The following SH3D19 variants were observed in gnomAD, a reference collection of about 807,000 sequenced individuals.
SH3D19 encodes SH3 domain containing 19.
A neutral mutation model predicts 112.1 loss-of-function variants in SH3D19; 58 were observed. The ratio of observed to expected loss-of-function variants is 0.52; its 90% CI spans 0.42 to 0.64. The LOEUF (loss-of-function observed/expected upper bound fraction) is 0.64. SH3D19 is among the 30% of genes least tolerant of loss of function. The probability of loss-of-function intolerance (pLI) is 0.00; values close to 1 mark genes in which losing one functional copy is unlikely to be tolerated. For missense variants in SH3D19, 1,090 were observed against 1,263.4 expected (o/e 0.86, Z 2.08); for synonymous variants, 391 against 448.5 (o/e 0.87, Z 1.62).
At chr4:151,311,662 G>T (rs974007292) in intron 1 of SH3D19, among the ~76,000 whole-genome samples, 1 of 152,110 alleles carries the variant, frequency 6.6e-6, no homozygotes, top group African/African-American at 2.4e-5. Context: ...AAAAGAGCAA[G>T]ACCCTATCTC....
chr4:151,146,892 A>G (rs1444061484), intron 11 of SH3D19, among the ~76,000 whole-genome samples: 1 of 152,226 alleles, frequency 6.6e-6, no homozygotes, highest in Non-Finnish European at 1.5e-5. Flanking sequence ...TGAGAAAAAC[A>G]TTAAAAGAGA....
chr4:151,296,810 G>C (rs988649254), intron 1 of SH3D19, among the ~76,000 whole-genome samples: 1 of 152,108 alleles, frequency 6.6e-6, no homozygotes, highest in Non-Finnish European at 1.5e-5. Context: ...ATGTGGGGAA[G>C]ATTTGTAAAT....
intron 9 of SH3D19, among the ~76,000 whole-genome samples, chr4:151,150,388 T>G (rs1313669958): frequency 6.7e-6 from 1 of 149,108 alleles, no homozygotes; most frequent in Non-Finnish European, 1.5e-5. Flanking sequence ...TGATCACACA[T>G]AAGAAACACA....
intron 2 of SH3D19, among the ~76,000 whole-genome samples, chr4:151,224,717 T>C (rs949691685): frequency 8.5e-5 from 13 of 152,176 alleles, no homozygotes; most frequent in Admixed American, 2.6e-4. Flanking sequence ...CTTATTTTTA[T>C]TTTTAACAGA....
chr4:151,318,187 G>A (rs1041642975), intron 1 of SH3D19, among the ~76,000 whole-genome samples: 8 of 148,184 alleles, frequency 5.4e-5, no homozygotes, highest in African/African-American at 2.0e-4. Context: ...TGTAGTCCTA[G>A]CTCCTTGGGA....
At chr4:151,183,183 G>T (rs1486337624) in intron 3 of SH3D19, among the ~76,000 whole-genome samples, 1 of 151,756 alleles carries the variant, frequency 6.6e-6, no homozygotes, top group Non-Finnish European at 1.5e-5. Flanking sequence ...GTAGAGATGG[G>T]GTTTCACCAT....
At chr4:151,171,648 C>T (rs958558856) in intron 7 of SH3D19, among the ~76,000 whole-genome samples, 9 of 152,110 alleles carry the variant, frequency 5.9e-5, no homozygotes, top group East Asian at 1.9e-4. Context: ...AGTAGTTTTC[C>T]GCCCATTACC....
At chr4:151,186,101 ACC>A (rs1272368263) in intron 3 of SH3D19, among the ~76,000 whole-genome samples, 1 of 152,172 alleles carries the variant, frequency 6.6e-6, no homozygotes, top group East Asian at 1.9e-4. Flanking sequence ...CGGGGTGGTA[ACC>A]TCAGCTCAGA....
At chr4:151,316,416 A>G (rs1729985745) in intron 1 of SH3D19, among the ~76,000 whole-genome samples, 1 of 152,162 alleles carries the variant, frequency 6.6e-6, no homozygotes, top group South Asian at 2.1e-4. Flanking sequence ...GGAAATCTGA[A>G]TCAAGCATGG....
Position 151,273,677 on chromosome 4 carries a change from T to C in SH3D19, c.113-47591A>G, listed in dbSNP as rs1051042930. ...AGGGAAAGGACTCTCTGGTCAAGTT[T>C]TTTGCTCCTGTGGTAAGTCAACAGA... On this transcript the variant is annotated intron_variant, in intron 1 of 19. Transcript: ENST00000604030. 2.0e-5 allele frequency among the ~76,000 whole-genome samples: 3 copies of C among 151,678 alleles called. No homozygotes were observed. In the South Asian group the frequency reaches 6.2e-4, roughly 31 times the overall value.
chr4:151,137,119 C>T (rs1212876289), intron 14 of SH3D19, among the ~76,000 whole-genome samples: 1 of 152,176 alleles, frequency 6.6e-6, no homozygotes, highest in African/African-American at 2.4e-5. Context: ...ACACAGCTCT[C>T]ACACATAGGA....
chr4:151,277,331 A>G (rs1206906912), intron 1 of SH3D19: 1 of 865,750 alleles, frequency 1.2e-6, no homozygotes, highest in African/African-American at 1.7e-5. Context: ...AGTTATGAGT[A>G]GCACAGCCTG....
Position 151,325,248 on chromosome 4 carries a change from C to G in SH3D19, c.105G>C (p.Ser35=). The G allele has an allele frequency of 8.2e-7, 1 of 1,221,026 alleles. No individual in the cohort carries two copies. Among genetic ancestry groups the G allele is most frequent in the Non-Finnish European group, 1.0e-6 (1 of 980,814 alleles). 75.6% of individuals were successfully genotyped at this position (1,221,026 alleles called of 1,614,324 possible). ...RARGRALSGH[S]AADRNERNKP... is the part of the protein sequence containing the mutation. Reference sequence around the variant, plus strand: ...GTCCCCCGCGCCTCTCACCTGCGGCCGAGTGGCCCGAGAGCGCACGGCCCC... The same window carrying G: ...GTCCCCCGCGCCTCTCACCTGCGGCGGAGTGGCCCGAGAGCGCACGGCCCC... The change falls in exon 1 of 20, where the codon TCG becomes TCC. Residue 35 remains serine, a synonymous_variant. Transcript: ENST00000604030.
chr4:151,176,150 G>A (rs1759928447), intron 6 of SH3D19, among the ~76,000 whole-genome samples: 1 of 152,156 alleles, frequency 6.6e-6, no homozygotes, highest in Non-Finnish European at 1.5e-5. Context: ...GGGATTAAAG[G>A]CATAAGCCAC....
Position 151,144,035 on chromosome 4 carries a change from C to T in SH3D19, c.2098G>A (p.Val700Met). 1.2e-6 allele frequency: 2 copies of T among 1,613,968 alleles called. No homozygotes were observed. Among genetic ancestry groups the T allele is most frequent in the Middle Eastern group, 1.6e-4 (1 of 6,062 alleles). Residue 700 changes from valine (V) to methionine (M), a missense_variant, in exon 12 of 20, where the codon GTG becomes ATG. Coordinates refer to ENST00000604030, the MANE Select transcript of SH3D19 (RefSeq NM_001378122.1). ...YSKYMRGDVL[V>M]MLKQTENNYL... is the part of the protein sequence containing the mutation. The stretch of plus-strand genomic sequence containing the variant: ...TTATTTTCCGTCTGCTTCAGCATCA[C>T]AAGTACATCCCCACGCTGCAAGGTA...
intron 1 of SH3D19, among the ~76,000 whole-genome samples, chr4:151,301,537 T>G (rs989849135): frequency 5.3e-5 from 8 of 152,152 alleles, no homozygotes; most frequent in Non-Finnish European, 1.2e-4. Flanking sequence ...AGAGATCTGC[T>G]TGTTTTAAAG....
At chr4:151,306,719 T>C (rs1728951794) in intron 1 of SH3D19, among the ~76,000 whole-genome samples, 1 of 152,220 alleles carries the variant, frequency 6.6e-6, no homozygotes, top group Non-Finnish European at 1.5e-5. Context: ...TAAGTACTCA[T>C]CATTAAATTT....
intron 9 of SH3D19, among the ~76,000 whole-genome samples, chr4:151,153,661 T>C (rs943995962): frequency 3.9e-5 from 6 of 152,188 alleles, no homozygotes; most frequent in African/African-American, 1.4e-4. Context: ...CAGAAATCTA[T>C]ATGCGTGAAT....
chr4:151,281,369 G>GT (rs1229220489), intron 1 of SH3D19, among the ~76,000 whole-genome samples: 1 of 152,146 alleles, frequency 6.6e-6, no homozygotes, highest in African/African-American at 2.4e-5. Context: ...AGTGAACAAT[G>GT]TTTACATAGT....
Sources: allele counts gnomAD v4.1 joint callset (sites outside exome capture counted in the v4.1 genomes callset), GRCh38; gene constraint gnomAD v4.1.1; transcripts MANE v1.5; gene names NCBI Gene and HGNC (gene_info 2026-07-23, HGNC 2026-07-21).